Variants in FUT8 observed in about 807,000 individuals in gnomAD.
FUT8 encodes alpha-(1,6)-fucosyltransferase.
In FUT8, 29 loss-of-function variants were observed where a neutral mutation model predicts 71.3. The observed-to-expected ratio is 0.41, with a 90% CI of 0.30 to 0.55. FUT8 has a LOEUF of 0.55. Ranked by LOEUF, FUT8 falls within the 20% of genes least tolerant of loss-of-function variation. The pLI is 0.34. For synonymous variants in FUT8, 254 were observed against 239.3 expected (o/e 1.06, Z -0.57); for missense variants, 544 against 702.1 (o/e 0.77, Z 2.55).
intron 3 of FUT8, 70 bp downstream of exon 3, chr14:65,561,836 C>A: frequency 8.1e-7 from 1 of 1,238,228 alleles, no homozygotes; most frequent in Non-Finnish European, 1.2e-6. Flanking sequence ...GGGCTTCATT[C>A]CGCTAGGAAA....
the FUT8 span, among the ~76,000 whole-genome samples, chr14:65,396,648 G>A: frequency 3.3e-5 from 5 of 152,210 alleles, no homozygotes; most frequent in African/African-American, 1.2e-4. The surrounding 1 kb of genome is among the most constrained non-coding windows in gnomAD (Gnocchi z 5.5). Context: ...GACACAGCCA[G>A]ACTATATCAG....
intron 8 of FUT8, among the ~76,000 whole-genome samples, chr14:65,723,685 C>T (rs1288277207): frequency 6.6e-6 from 1 of 152,166 alleles, no homozygotes; most frequent in Non-Finnish European, 1.5e-5. Flanking sequence ...GGTGACTCTC[C>T]AGGGTAAAAT....
At chr14:65,433,847 G>A in intron 1 of FUT8, among the ~76,000 whole-genome samples, 1 of 145,928 alleles carries the variant, frequency 6.9e-6, no homozygotes, top group East Asian at 2.1e-4. Context: ...GAACACAGTG[G>A]CTATTCACAG....
At chr14:65,498,037 T>G (rs1418615558) in intron 2 of FUT8, among the ~76,000 whole-genome samples, 1 of 152,210 alleles carries the variant, frequency 6.6e-6, no homozygotes, top group Non-Finnish European at 1.5e-5. Context: ...AGAGTCATTT[T>G]ATTAGTCATA....
chr14:65,656,303 G>T (rs1891679553), intron 6 of FUT8, among the ~76,000 whole-genome samples: 1 of 150,300 alleles, frequency 6.7e-6, no homozygotes, highest in Non-Finnish European at 1.5e-5. Context: ...TTGTTTCAAA[G>T]TCAACACACA....
At chr14:65,573,851 T>A (rs1415884898) in intron 3 of FUT8, among the ~76,000 whole-genome samples, 2 of 152,164 alleles carry the variant, frequency 1.3e-5, no homozygotes, top group Non-Finnish European at 2.9e-5. Flanking sequence ...ATTGTTTATA[T>A]CTTGTCTGTT....
chr14:65,630,192 A>G (rs1890111136), intron 6 of FUT8, among the ~76,000 whole-genome samples: 1 of 152,190 alleles, frequency 6.6e-6, no homozygotes, highest in Non-Finnish European at 1.5e-5. Context: ...GAAACAGATT[A>G]CAGAGGTTAA....
Position 65,643,483 on chromosome 14 carries a change from T to C in FUT8, c.597+13877T>C, listed in dbSNP as rs1226406751. Among the ~76,000 whole-genome samples, 1 of 151,898 alleles carries C rather than the reference T, an allele frequency of 6.6e-6. No homozygotes were observed. Among genetic ancestry groups the C allele is most frequent in the African/African-American group, 2.4e-5 (1 of 41,320 alleles). ...TCCTGGCTAACATGGTGAAACCCTG[T>C]CTCTACTAAAAATACAAAAGATTAG... On this transcript the variant is annotated intron_variant, in intron 6 of 10. Coordinates refer to ENST00000673929, the MANE Select transcript of FUT8 (RefSeq NM_001371533.1). The surrounding 1 kb of genome is among the most constrained non-coding windows in gnomAD (Gnocchi z 4.5).
intron 3 of FUT8, among the ~76,000 whole-genome samples, chr14:65,564,980 T>C (rs1357440817): frequency 2.6e-5 from 4 of 152,012 alleles, no homozygotes. Context: ...GGATAGTTTA[T>C]AGAGAAAGAA....
At position 65,629,568 on chromosome 14, in the gene FUT8, C is replaced by A. The variant is rs376707676; in HGVS notation, c.559C>A (p.Leu187Met). 7.1e-5 allele frequency: 114 copies of A among 1,613,714 alleles called. 1 individual carries two copies. In the South Asian group the frequency reaches 9.2e-4, roughly 13 times the overall value. ...TTGGCGGGAAAAAGAGGCCAAAGATCTGACAGAACTGGTTCAGCGGAGAAT... is the reference window on the plus strand; with the variant it reads ...TTGGCGGGAAAAAGAGGCCAAAGATATGACAGAACTGGTTCAGCGGAGAAT... ...GDWREKEAKD[L>M]TELVQRRITY... Residue 187 changes from leucine (L) to methionine (M), a missense_variant, in exon 6 of 11, where the codon CTG (leucine) becomes ATG (methionine). Physicochemically the swap from Leu to Met is conservative, Grantham distance 15. Coordinates refer to ENST00000673929, the MANE Select transcript of FUT8 (RefSeq NM_001371533.1).
chr14:65,575,579 CCTTCTTCCTTCCTTCCTTCCTTCCTT>C (rs1886716849), intron 3 of FUT8, among the ~76,000 whole-genome samples: 1 of 37,486 alleles, frequency 2.7e-5, no homozygotes. Context: ...TTCCTTCCTT[CCTTCTTCCTTCCTTCCTTCCTTCCTT>C]CCTTCCTTCC....
At chr14:65,516,516 A>G (rs945056602) in intron 2 of FUT8, 5 of 152,196 alleles carry the variant, frequency 3.3e-5, no homozygotes, top group African/African-American at 7.2e-5. Flanking sequence ...TAAAATTAAA[A>G]TAACTTTATT....
chr14:65,528,820 T>G (rs946839181), intron 2 of FUT8: 2 of 152,146 alleles, frequency 1.3e-5, no homozygotes, highest in Non-Finnish European at 2.9e-5. Flanking sequence ...TGTAAATCTT[T>G]GAATTTAATT....
rs1173286716 is a variant in FUT8 at position 65,660,977 on chromosome 14, T to C, written c.598-8266T>C. On this transcript the variant is annotated intron_variant, in intron 6 of 10. Coordinates refer to ENST00000673929, the MANE Select transcript of FUT8 (RefSeq NM_001371533.1). The surrounding 1 kb of genome is among the most constrained non-coding windows in gnomAD (Gnocchi z 4.1). Reference sequence around the variant, plus strand: ...TTCATTACCAGCACAAAGCTAGATATTGCAAATCTTTTTAAACAAATAAAA... The same window carrying C: ...TTCATTACCAGCACAAAGCTAGATACTGCAAATCTTTTTAAACAAATAAAA... Among the ~76,000 whole-genome samples the C allele has an allele frequency of 6.6e-6, 1 of 152,206 alleles. No individual in the cohort carries two copies. Among genetic ancestry groups the C allele is most frequent in the Admixed American group, 6.6e-5 (1 of 15,266 alleles).
At chr14:65,682,164 A>G (rs1893066919) in intron 7 of FUT8, among the ~76,000 whole-genome samples, 1 of 152,214 alleles carries the variant, frequency 6.6e-6, no homozygotes, top group African/African-American at 2.4e-5. Context: ...GTCTGCCTCA[A>G]GAGGCAAAAT....
At chr14:65,726,314 A>G (rs1477211393) in intron 9 of FUT8, among the ~76,000 whole-genome samples, 1 of 152,230 alleles carries the variant, frequency 6.6e-6, no homozygotes. Context: ...AAAATATGCA[A>G]GTTGGTAAAT....
chr14:65,444,051 A>G (rs2065701942), intron 1 of FUT8, among the ~76,000 whole-genome samples: 1 of 152,234 alleles, frequency 6.6e-6, no homozygotes, highest in African/African-American at 2.4e-5. Context: ...GGCCACTTTG[A>G]AACTCTTAAT....
intron 2 of FUT8, among the ~76,000 whole-genome samples, chr14:65,553,247 A>G (rs151168637): frequency 0.034 from 5,202 of 152,188 alleles, 158 homozygotes; most frequent in South Asian, 0.093. Context: ...ATATATATGT[A>G]TATGTATATA....
intron 5 of FUT8, 89 bp from the exon 6 acceptor site, chr14:65,629,403 T>G (rs1890059237): frequency 1.3e-6 from 1 of 753,110 alleles, no homozygotes; most frequent in South Asian, 1.8e-5. Flanking sequence ...TCAATCTTTA[T>G]GAGGAATCTG....
Sources: gnomAD v4.1 joint callset for allele counts (sites outside exome capture counted in the v4.1 genomes callset) on GRCh38, gnomAD v4.1.1 for gene constraint, Gnocchi (gnomAD v3.1) non-coding constraint, MANE v1.5 for transcripts, NCBI Gene and HGNC (gene_info 2026-07-23, HGNC 2026-07-21) for gene names.